Variants in ZMYM1 observed in about 807,000 individuals in gnomAD.
ZMYM1 encodes the protein zinc finger MYM-type containing 1.
In ZMYM1, 39 loss-of-function variants were observed where a neutral mutation model predicts 60.0. The ratio of observed to expected loss-of-function variants is 0.65; its 90% CI spans 0.50 to 0.85. The LOEUF (loss-of-function observed/expected upper bound fraction) is 0.85, where lower values mean the gene tolerates loss of function less well. Ranked by LOEUF, ZMYM1 falls within the 40% of genes least tolerant of loss-of-function variation. The pLI is 0.00. For missense variants in ZMYM1, 1,171 were observed against 1,309.5 expected, an observed-to-expected ratio of 0.89 and a Z score of 1.63; for synonymous variants, 413 against 454.0, an observed-to-expected ratio of 0.91 and a Z score of 1.15.
At chr1:35,071,965 C>G (rs1642075461) in intron 1 of ZMYM1, among the ~76,000 whole-genome samples, 1 of 152,096 alleles carries the variant, frequency 6.6e-6, no homozygotes, top group African/African-American at 2.4e-5. Context: ...TGGTGAAACC[C>G]TGTCTCTACT....
At chr1:35,098,022 T>C (rs1385024247) in intron 4 of ZMYM1, among the ~76,000 whole-genome samples, 1 of 152,168 alleles carries the variant, frequency 6.6e-6, no homozygotes, top group South Asian at 2.1e-4. Context: ...GTTCCTCTGA[T>C]GGATTCTGTA....
chr1:35,102,426 T>C (rs1456090864), intron 4 of ZMYM1, among the ~76,000 whole-genome samples: 1 of 152,200 alleles, frequency 6.6e-6, no homozygotes, highest in Non-Finnish European at 1.5e-5. Context: ...TCTGCAGATC[T>C]TCTAGATGTT....
In ZMYM1 at chr1:35,064,983, GT is replaced by G. The variant is rs1641947300; in HGVS notation, c.-301+5059del. On this transcript the variant is annotated intron_variant, in intron 1 of 10. Transcript: ENST00000417119. ...AGCCACTGCGCCCGGCCTAAACAAC[GT>G]ATTTCTAAAACTTCTAAACACACTG... Among the ~76,000 whole-genome samples, 3 of 151,996 alleles carry G rather than the reference GT, an allele frequency of 2.0e-5. No homozygotes were observed. In the South Asian group the frequency reaches 6.2e-4, roughly 31 times the overall value.
At chr1:35,075,252 C>CT (rs973371749), upstream of ZMYM1, among the ~76,000 whole-genome samples, 1 of 152,074 alleles carries the variant, frequency 6.6e-6, no homozygotes, top group Non-Finnish European at 1.5e-5. Flanking sequence ...TTTTTCCATC[C>CT]TTTCACTTTG....
intron 1 of ZMYM1, among the ~76,000 whole-genome samples, chr1:35,070,493 A>G (rs1171189340): frequency 6.6e-6 from 1 of 152,178 alleles, no homozygotes; most frequent in Non-Finnish European, 1.5e-5. Flanking sequence ...TGGAGTCTTT[A>G]GATTTTCTAT....
At chr1:35,105,652 G>C (rs764916196) in intron 6 of ZMYM1, among the ~76,000 whole-genome samples, 45 of 152,120 alleles carry the variant, frequency 3.0e-4, no homozygotes, top group Non-Finnish European at 5.0e-4. Flanking sequence ...TTGTCAGCCA[G>C]CTTGGAGTGC....
At chr1:35,116,906 C>CA (rs1644255358), downstream of ZMYM1, among the ~76,000 whole-genome samples, 1 of 116,446 alleles carries the variant, frequency 8.6e-6, no homozygotes, top group African/African-American at 3.3e-5. Flanking sequence ...TGCTGTGGCG[C>CA]GATCTCCGCT....
Position 35,114,381 on chromosome 1 carries a change from A to G in ZMYM1, c.2551A>G (p.Thr851Ala). ...SFADELSHLL[T>A]LVSKFEFVFC... is the part of the protein sequence containing the mutation. ...CGCCGATGAATTGAGTCATTTGCTG[A>G]CATTGGTTTCCAAATTTGAATTTGT... is the stretch of plus-strand genomic sequence containing the variant. The change falls in exon 10 of 10, where the codon ACA becomes GCA. Residue 851 changes from threonine to alanine, a missense_variant. Physicochemically the swap from Thr to Ala is moderately conservative, Grantham distance 58. Coordinates refer to ENST00000359858, the MANE Select transcript of ZMYM1 (RefSeq NM_024772.5). 1 of 1,613,142 alleles carries G rather than the reference A, an allele frequency of 6.2e-7. No individual in the cohort carries two copies. Among genetic ancestry groups the G allele is most frequent in the Non-Finnish European group, 8.5e-7 (1 of 1,179,444 alleles).
chr1:35,099,295 A>G (rs759113118), intron 4 of ZMYM1, among the ~76,000 whole-genome samples: 1 of 151,756 alleles, frequency 6.6e-6, no homozygotes, highest in Non-Finnish European at 1.5e-5. Context: ...TTGTCTTTTT[A>G]CTTTTTTGCT....
Position 35,104,650 on chromosome 1 carries a change from A to G in ZMYM1, c.688A>G (p.Asn230Asp). Residue 230 changes from asparagine to aspartate, a missense_variant, in exon 6 of 10, where the codon AAC (asparagine) becomes GAC (aspartate). Transcript: ENST00000359858. ...TCACTCTGCTAACAACTTCATCATG[A>G]ACTGCTGTGAGAACTGTGGCACTTA... ...KFHSANNFIM[N>D]CCENCGTYCY... The G allele has an allele frequency of 1.2e-6, 2 of 1,614,172 alleles. No homozygotes were observed. Among genetic ancestry groups the G allele is most frequent in the Non-Finnish European group, 1.7e-6 (2 of 1,180,038 alleles).
Position 35,064,276 on chromosome 1 carries a change from C to T in ZMYM1, c.-301+4351C>T, listed in dbSNP as rs1569835001. 1.1e-4 allele frequency among the ~76,000 whole-genome samples: 14 copies of T among 126,394 alleles called. 1 individual carries two copies. The highest frequency in any genetic ancestry group is 5.3e-3 in the Middle Eastern group (1 of 190). 82.9% of individuals were successfully genotyped at this position (126,394 alleles called of 152,430 possible). A position where few individuals can be genotyped will look rare whatever the true frequency, so the allele number is the denominator to read the frequency against. The stretch of plus-strand genomic sequence containing the variant: ...GAGTTTAAGGCCAGCCTGGGAAACA[C>T]GGTGAGATCCTGTCTCAAAAAAAAA... On this transcript the variant is annotated intron_variant, in intron 1 of 10. Transcript: ENST00000417119.
At position 35,114,796 on chromosome 1, in the gene ZMYM1, G is replaced by A. The variant is rs745920148; in HGVS notation, c.2966G>A (p.Cys989Tyr). The part of the protein sequence containing the change: ...LKLCFSEFDY[C>Y]KIKQISELLF... ...TTATGTTTTTCGGAGTTTGATTATT[G>A]CAAAATAAAGCAAATTTCAGAACTG... is the stretch of plus-strand genomic sequence containing the variant. Residue 989 changes from cysteine (C) to tyrosine (Y), a missense_variant, in exon 10 of 10, where the codon TGC (cysteine) becomes TAC (tyrosine). Coordinates refer to ENST00000359858, the MANE Select transcript of ZMYM1 (RefSeq NM_024772.5). 2.1e-5 allele frequency: 33 copies of A among 1,605,192 alleles called. No individual in the cohort carries two copies. Among genetic ancestry groups the A allele is most frequent in the Middle Eastern group, 1.7e-4 (1 of 6,020 alleles).
rs1643825417 is a variant in ZMYM1, at chr1:35,104,687, G to T, written c.725G>T (p.Ser242Ile). ...CENCGTYCYTSSSLSHILQME... is the reference protein window; with the variant it reads ...CENCGTYCYTISSLSHILQME... ...AACTGTGGCACTTACTGTTACACCA[G>T]CTCTAGTCTGTCCCACATACTTCAG... Residue 242 changes from serine to isoleucine, a missense_variant, in exon 6 of 10, where the codon AGC becomes ATC. Physicochemically the swap from Ser to Ile is moderately radical, Grantham distance 142. Coordinates refer to ENST00000359858, the MANE Select transcript of ZMYM1 (RefSeq NM_024772.5). The T allele has an allele frequency of 1.2e-6, 2 of 1,614,006 alleles. No homozygotes were observed. The highest frequency in any genetic ancestry group is 1.7e-6 in the Non-Finnish European group (2 of 1,180,032).
chr1:35,083,965 C>T (rs1259808793), intron 1 of ZMYM1, among the ~76,000 whole-genome samples: 2 of 152,132 alleles, frequency 1.3e-5, no homozygotes, highest in Non-Finnish European at 2.9e-5. Flanking sequence ...TTCTCTTATC[C>T]TAGAACTGAA....
chr1:35,099,274 A>G lies in ZMYM1; in HGVS notation c.419+1708A>G, dbSNP rs577482805. ...TTTTGCTTTTCAACCCTTCAATACTATACTAGTCTTTTGTCTTTTTACTTT... is the reference window on the plus strand; with the variant it reads ...TTTTGCTTTTCAACCCTTCAATACTGTACTAGTCTTTTGTCTTTTTACTTT... On this transcript the variant is annotated intron_variant, in intron 4 of 9. Coordinates refer to ENST00000359858, the MANE Select transcript of ZMYM1 (RefSeq NM_024772.5). Among the ~76,000 whole-genome samples the G allele has an allele frequency of 3.3e-5, 5 of 152,034 alleles. 1 individual carries two copies. The South Asian group carries it at 1.0e-3, about 31-fold the overall frequency.
In ZMYM1 at chr1:35,102,193, G is replaced by A. The variant is rs191874522; in HGVS notation, c.420-2102G>A. Among the ~76,000 whole-genome samples the A allele has an allele frequency of 4.5e-3, 691 of 151,918 alleles. 6 individuals are homozygous for A. The highest frequency in any genetic ancestry group is 0.024 in the East Asian group (126 of 5,172). On this transcript the variant is annotated intron_variant, in intron 4 of 9. Coordinates refer to ENST00000359858, the MANE Select transcript of ZMYM1 (RefSeq NM_024772.5). ...GAGTGTTTTAGTAGCCTTTTAGATC[G>A]TTGTGGGTGTTCTTTGATACTACAA...
At chr1:35,084,740 GAA>G (rs1197904499) in intron 1 of ZMYM1, among the ~76,000 whole-genome samples, 1 of 152,170 alleles carries the variant, frequency 6.6e-6, no homozygotes, top group Non-Finnish European at 1.5e-5. Context: ...TTAAGTTTTT[GAA>G]GTCTCACTCT....
intron 1 of ZMYM1, among the ~76,000 whole-genome samples, chr1:35,073,334 AAAGAAAGGAAGGAAGGAAGG>A (rs1642104239): frequency 2.3e-5 from 1 of 44,170 alleles, no homozygotes; most frequent in African/African-American, 7.5e-5. Flanking sequence ...AGGGAGAAAG[AAAGAAAGGAAGGAAGGAAGG>A]AAGGAAGGAA....
At position 35,100,110 on chromosome 1, in the gene ZMYM1, C is replaced by T. The variant is rs369068975; in HGVS notation, c.419+2544C>T. 1.9e-3 allele frequency among the ~76,000 whole-genome samples: 291 copies of T among 151,998 alleles called. 4 individuals carry two copies. The highest frequency in any genetic ancestry group is 5.8e-3 in the African/African-American group (240 of 41,468). ...TTCGCCATGTTGGCCAGGCTGGTCTCGAACTCCGGACCTCAGGTGATCTGC... is the reference window on the plus strand; with the variant it reads ...TTCGCCATGTTGGCCAGGCTGGTCTTGAACTCCGGACCTCAGGTGATCTGC... On this transcript the variant is annotated intron_variant, in intron 4 of 9. Transcript: ENST00000359858.
Sources: gnomAD v4.1 joint callset for allele counts (sites outside exome capture counted in the v4.1 genomes callset) on GRCh38, gnomAD v4.1.1 for gene constraint, MANE v1.5 for transcripts, NCBI Gene and HGNC (gene_info 2026-07-23, HGNC 2026-07-21) for gene names.